Variants in DNAH11 observed in about 807,000 individuals in gnomAD.
DNAH11 encodes dynein axonemal heavy chain 11.
Under a neutral mutation model 526.0 loss-of-function variants are expected in DNAH11, and 442 were observed. The ratio of observed to expected loss-of-function variants is 0.84; its 90% CI spans 0.78 to 0.91. The LOEUF is 0.91. DNAH11 is among the 40% of genes least tolerant of loss of function. The pLI is 0.00. For missense variants in DNAH11, 6,989 were observed against 5,448.7 expected, an observed-to-expected ratio of 1.28 and a Z score of -8.90; for synonymous variants, 2,461 against 1,935.9, an observed-to-expected ratio of 1.27 and a Z score of -7.12.
intron 25 of DNAH11, among the ~76,000 whole-genome samples, chr7:21,628,618 CCTT>C (rs759052891): frequency 1.8e-4 from 27 of 152,006 alleles, no homozygotes; most frequent in African/African-American, 5.8e-4. Flanking sequence ...GTTAAACTGT[CCTT>C]CTATCTCTGG....
intron 74 of DNAH11, among the ~76,000 whole-genome samples, chr7:21,877,513 T>G (rs1260514929): frequency 6.6e-6 from 1 of 152,198 alleles, no homozygotes; most frequent in Non-Finnish European, 1.5e-5. Flanking sequence ...TTATGTAAAT[T>G]TAATCAAGTG....
chr7:21,774,408 G>A lies in DNAH11; in HGVS notation c.9336+409G>A, dbSNP rs117619415. Among the ~76,000 whole-genome samples the A allele has an allele frequency of 7.2e-5, 11 of 152,230 alleles. No individual in the cohort carries two copies. In the East Asian group the frequency reaches 9.7e-4, roughly 13 times the overall value. On this transcript the variant is annotated intron_variant, in intron 56 of 81. Coordinates refer to ENST00000409508, the MANE Select transcript of DNAH11 (RefSeq NM_001277115.2). ...TCATTTTCTGGCTAATGACTGTGGC[G>A]AGATCCCAAGGTAGAGCTGTTCCTC...
At chr7:21,566,394 A>C (rs1182393403) in intron 6 of DNAH11, among the ~76,000 whole-genome samples, 3 of 152,176 alleles carry the variant, frequency 2.0e-5, no homozygotes, top group African/African-American at 7.2e-5. Context: ...TAGGAGTCAA[A>C]AGTTAACAAT....
chr7:21,593,946 CACAT>C, intron 14 of DNAH11, among the ~76,000 whole-genome samples: 1 of 151,728 alleles, frequency 6.6e-6, no homozygotes, highest in East Asian at 1.9e-4. Context: ...CTTTCACACA[CACAT>C]ACTCTTTTTC....
chr7:21,789,406 T>G, intron 61 of DNAH11, 64 bp downstream of exon 61: 1 of 1,097,578 alleles, frequency 9.1e-7, no homozygotes, highest in Non-Finnish European at 1.3e-6. Context: ...ACCTTAGGAT[T>G]CCACCCTCAG....
In DNAH11 at chr7:21,551,578, AG is replaced by A. The variant is rs148440495; in HGVS notation, c.495+6431del. 4.7e-3 allele frequency among the ~76,000 whole-genome samples: 717 copies of A among 152,306 alleles called. 1 individual carries two copies. The highest frequency in any genetic ancestry group is 0.016 in the African/African-American group (681 of 41,576). ...GCCTGGTTAAGACCATATAATTCAC[AG>A]GTTTGGGCTGACCAGCTATTAGGTA... On this transcript the variant is annotated intron_variant, in intron 2 of 81. Transcript: ENST00000409508.
At chr7:21,851,414 C>G (rs955373487) in intron 66 of DNAH11, 1 of 338,722 alleles carries the variant, frequency 3.0e-6, no homozygotes, top group Non-Finnish European at 6.0e-6. Flanking sequence ...AGTCCTTTAT[C>G]GCACCTTGAG....
intron 63 of DNAH11, among the ~76,000 whole-genome samples, chr7:21,813,598 A>G (rs1789628886): frequency 1.3e-5 from 2 of 152,184 alleles, no homozygotes; most frequent in South Asian, 2.1e-4. Context: ...TAGAGGCCAG[A>G]TGGGCATTTG....
At chr7:21,737,268 T>C (rs1465767546) in intron 46 of DNAH11, among the ~76,000 whole-genome samples, 1 of 152,168 alleles carries the variant, frequency 6.6e-6, no homozygotes, top group Non-Finnish European at 1.5e-5. Context: ...GTGCAAGATA[T>C]GGAAAAGGCT....
At chr7:21,899,039 C>G (rs1158789487) in intron 79 of DNAH11, among the ~76,000 whole-genome samples, 1 of 152,182 alleles carries the variant, frequency 6.6e-6, no homozygotes. Flanking sequence ...TGTATAGTCA[C>G]CACATAGCAT....
chr7:21,680,983 G>T (rs565447966), intron 30 of DNAH11, among the ~76,000 whole-genome samples: 1 of 152,280 alleles, frequency 6.6e-6, no homozygotes, highest in Non-Finnish European at 1.5e-5. Context: ...TTAGGGTAGA[G>T]GGTCAGTCCA....
At chr7:21,749,946 A>G in intron 53 of DNAH11, 145 bp downstream of exon 53, 1 of 1,303,076 alleles carries the variant, frequency 7.7e-7, no homozygotes, top group Non-Finnish European at 1.0e-6. Flanking sequence ...AACTAATTTG[A>G]GGTGTATTGC....
chr7:21,684,360 C>T (rs917694412), intron 32 of DNAH11, among the ~76,000 whole-genome samples: 4 of 152,200 alleles, frequency 2.6e-5, no homozygotes, highest in African/African-American at 9.6e-5. Flanking sequence ...ACAAATACTT[C>T]TGAAGTACTC....
intron 47 of DNAH11, 49 bp from the exon 48 acceptor site, chr7:21,739,522 T>G: frequency 6.7e-7 from 1 of 1,499,720 alleles, no homozygotes; most frequent in Non-Finnish European, 9.2e-7. Context: ...ATTTTGCTCT[T>G]TTGTCATCTC....
At chr7:21,726,612 A>G (rs1002753692) in intron 45 of DNAH11, among the ~76,000 whole-genome samples, 20 of 151,900 alleles carry the variant, frequency 1.3e-4, no homozygotes, top group Non-Finnish European at 2.4e-4. Flanking sequence ...CTGTAATCCC[A>G]GCACTTTGGG....
At chr7:21,780,263 T>G (rs1317166517) in intron 57 of DNAH11, among the ~76,000 whole-genome samples, 1 of 152,102 alleles carries the variant, frequency 6.6e-6, no homozygotes, top group South Asian at 2.1e-4. Flanking sequence ...TAAAAGTATA[T>G]TATTGGGCTG....
At chr7:21,676,851 GC>G (rs1782912218) in intron 30 of DNAH11, among the ~76,000 whole-genome samples, 1 of 152,156 alleles carries the variant, frequency 6.6e-6, no homozygotes, top group Non-Finnish European at 1.5e-5. Context: ...AATATCCAAG[GC>G]CTAAATATCT....
Position 21,561,089 on chromosome 7 carries a change from C to T in DNAH11, c.901C>T (p.Leu301Phe). ...AACTTAGCTTCAGGCACCTGTTGTCCTCAAAATGGTTAAGATCCTGACAAC... is the reference window on the plus strand; with the variant it reads ...AACTTAGCTTCAGGCACCTGTTGTCTTCAAAATGGTTAAGATCCTGACAAC... ...IYDQLQAPVV[L>F]KMVKILTTKQ... Residue 301 changes from leucine (L) to phenylalanine (F), a missense_variant, in exon 5 of 82, where the codon CTC becomes TTC. Leu to Phe is a conservative substitution (Grantham distance 22, BLOSUM62 0). Coordinates refer to ENST00000409508, the MANE Select transcript of DNAH11 (RefSeq NM_001277115.2). 6.3e-7 allele frequency: 1 copy of T among 1,598,988 alleles called. No individual in the cohort carries two copies.
At chr7:21,573,641 G>A (rs577339258) in intron 8 of DNAH11, among the ~76,000 whole-genome samples, 1 of 152,234 alleles carries the variant, frequency 6.6e-6, no homozygotes, top group African/African-American at 2.4e-5. Flanking sequence ...GATGAAATCA[G>A]TTGGTAGTTT....
Sources: allele counts gnomAD v4.1 joint callset (sites outside exome capture counted in the v4.1 genomes callset), GRCh38; gene constraint gnomAD v4.1.1; transcripts MANE v1.5; gene names NCBI Gene and HGNC (gene_info 2026-07-23, HGNC 2026-07-21).